PRKCH: variants seen among roughly 807,000 people sequenced by gnomAD.
PRKCH encodes protein kinase C eta type.
Under a neutral mutation model 82.5 loss-of-function variants are expected in PRKCH, and 28 were observed. That is an observed-to-expected ratio of 0.34 (90% CI 0.25 to 0.47). PRKCH has a LOEUF of 0.47. Among genes scored for constraint, PRKCH ranks in the 20% least tolerant of loss-of-function variants. The probability of loss-of-function intolerance (pLI) is 1.00; values close to 1 mark genes in which losing one functional copy is unlikely to be tolerated. For synonymous variants in PRKCH, 322 were observed against 327.4 expected (o/e 0.98, Z 0.18); for missense variants, 705 against 881.8 (o/e 0.80, Z 2.54).
chr14:61,400,728 T>C (rs1881561696), intron 2 of PRKCH, among the ~76,000 whole-genome samples: 1 of 152,234 alleles, frequency 6.6e-6, no homozygotes, highest in Non-Finnish European at 1.5e-5. Flanking sequence ...AACTCTTACC[T>C]AGTAACTGAG....
At position 61,316,169 on chromosome 14, in the gene PRKCH, G is replaced by C. The variant is rs61119511; in HGVS notation, c.-19+128501G>C. On this transcript the variant is annotated intron_variant, in intron 1 of 3. Transcript: ENST00000555185. ...CAATATGGCTGAACTGGTTCTTTAGGCATAGAACTCATTTTACTTTGAAAC... is the reference window on the plus strand; with the variant it reads ...CAATATGGCTGAACTGGTTCTTTAGCCATAGAACTCATTTTACTTTGAAAC... 2.1e-3 allele frequency among the ~76,000 whole-genome samples: 315 copies of C among 152,028 alleles called. 9 individuals are homozygous for C. The East Asian group carries it at 0.054, about 26-fold the overall frequency.
chr14:61,314,699 G>A lies in PRKCH; in HGVS notation c.-19+127031G>A, dbSNP rs73312655. ...CTTTTGGGGAAACCTGAGGAAGGGCGAGAAGCTCTCCCTGTCTCCTGGATC... is the reference window on the plus strand; with the variant it reads ...CTTTTGGGGAAACCTGAGGAAGGGCAAGAAGCTCTCCCTGTCTCCTGGATC... On this transcript the variant is annotated intron_variant, in intron 1 of 3. Coordinates refer to the PRKCH transcript ENST00000555185. Among the ~76,000 whole-genome samples, 918 of 152,332 alleles carry A rather than the reference G, an allele frequency of 6.0e-3. 6 individuals carry two copies. Among genetic ancestry groups the A allele is most frequent in the African/African-American group, 0.021 (887 of 41,578 alleles).
chr14:61,416,900 C>T (rs894636450), intron 2 of PRKCH, among the ~76,000 whole-genome samples: 9 of 152,182 alleles, frequency 5.9e-5, no homozygotes, highest in African/African-American at 2.2e-4. Context: ...GTCCTGTCTC[C>T]AGGAAGCCCT....
intron 9 of PRKCH, among the ~76,000 whole-genome samples, chr14:61,482,087 C>T (rs981095955): frequency 6.6e-6 from 1 of 150,694 alleles, no homozygotes; most frequent in Non-Finnish European, 1.5e-5. Context: ...CTCTGCATCC[C>T]GGGTTCAAGT....
Position 61,453,402 on chromosome 14 carries a change from A to G in PRKCH, c.960+49A>G. 4 of 1,591,750 alleles carry G rather than the reference A, an allele frequency of 2.5e-6. No individual in the cohort carries two copies. In the South Asian group the frequency reaches 3.4e-5, roughly 14 times the overall value. Reference sequence around the variant, plus strand: ...GTCTCGTAATTTAGAAGTTGCTCAGATGTGATGAGCCCAAATGAGAGCATG... The same window carrying G: ...GTCTCGTAATTTAGAAGTTGCTCAGGTGTGATGAGCCCAAATGAGAGCATG... On this transcript the variant is annotated intron_variant, in intron 7 of 13. Transcript: ENST00000332981.
intron 10 of PRKCH, among the ~76,000 whole-genome samples, chr14:61,516,418 GTTTACT>G (rs576087720): frequency 6.6e-6 from 1 of 152,198 alleles, no homozygotes; most frequent in African/African-American, 2.4e-5. Flanking sequence ...TTTGAATTCT[GTTTACT>G]TTTAAGATCT....
chr14:61,324,302 A>G (rs1232928646), intron 1 of PRKCH, among the ~76,000 whole-genome samples: 2 of 152,214 alleles, frequency 1.3e-5, no homozygotes, highest in Non-Finnish European at 2.9e-5. Flanking sequence ...GATATTTATA[A>G]TGGTCTGAAA....
chr14:61,197,977 T>C (rs1197117735), intron 1 of PRKCH, among the ~76,000 whole-genome samples: 1 of 152,080 alleles, frequency 6.6e-6, no homozygotes, highest in Non-Finnish European at 1.5e-5. Flanking sequence ...ATCAATAGAG[T>C]AGGTCATCAA....
At chr14:61,335,586 A>AC (rs987569430) in intron 1 of PRKCH, among the ~76,000 whole-genome samples, 61 of 151,952 alleles carry the variant, frequency 4.0e-4, no homozygotes, top group African/African-American at 1.3e-3. Context: ...AAAAACCACA[A>AC]CCCCCCCATC....
intron 1 of PRKCH, among the ~76,000 whole-genome samples, chr14:61,390,215 G>A (rs1284009700): frequency 6.6e-6 from 1 of 152,220 alleles, no homozygotes; most frequent in African/African-American, 2.4e-5. Context: ...CAGAGGTGCT[G>A]TTCATCCTGG....
chr14:61,203,633 C>T (rs1303335274), intron 1 of PRKCH, among the ~76,000 whole-genome samples: 2 of 152,020 alleles, frequency 1.3e-5, no homozygotes, highest in East Asian at 3.9e-4. Flanking sequence ...TTGGGAGATA[C>T]TTTTCTAGGA....
At chr14:61,390,185 A>G (rs1437040886) in intron 1 of PRKCH, among the ~76,000 whole-genome samples, 3 of 152,176 alleles carry the variant, frequency 2.0e-5, no homozygotes, top group Non-Finnish European at 2.9e-5. Context: ...CACCTAAGCT[A>G]GTGGTGATCA....
At chr14:61,413,415 C>T (rs1392157288) in intron 2 of PRKCH, among the ~76,000 whole-genome samples, 2 of 10,456 alleles carry the variant, frequency 1.9e-4, no homozygotes, top group East Asian at 3.5e-3. Flanking sequence ...CCCCCCCCCG[C>T]CCCGCCCATG....
chr14:61,370,029 C>G (rs183537576), intron 1 of PRKCH, among the ~76,000 whole-genome samples: 4 of 151,852 alleles, frequency 2.6e-5, no homozygotes, highest in Admixed American at 2.6e-4. Flanking sequence ...GCGTGATCTC[C>G]GCCTCCCAGG....
Position 61,280,917 on chromosome 14 carries a change from C to T in PRKCH, c.-19+93249C>T. 6.5e-7 allele frequency: 1 copy of T among 1,544,628 alleles called. No homozygotes were observed. Among genetic ancestry groups the T allele is most frequent in the South Asian group, 1.2e-5 (1 of 84,090 alleles). ...GGCCCTGGCCAGCCGCGGCGCACAC[C>T]GAGCAGTTACCGGTGCCCGGGTCGC... is the stretch of plus-strand genomic sequence containing the variant. On this transcript the variant is annotated intron_variant, in intron 1 of 3. Transcript: ENST00000555185. The surrounding 1 kb of genome is among the most constrained non-coding windows in gnomAD (Gnocchi z 5.0).
intron 1 of PRKCH, among the ~76,000 whole-genome samples, chr14:61,233,309 T>C (rs1404834955): frequency 6.6e-6 from 1 of 151,844 alleles, no homozygotes; most frequent in African/African-American, 2.4e-5. Flanking sequence ...GAAGACTGCT[T>C]GAGCCCAAGA....
At chr14:61,355,931 G>C (rs2046141946) in intron 1 of PRKCH, among the ~76,000 whole-genome samples, 1 of 152,194 alleles carries the variant, frequency 6.6e-6, no homozygotes, top group Non-Finnish European at 1.5e-5. Flanking sequence ...TTCCATGATA[G>C]ATCTTCTTAT....
intron 1 of PRKCH, among the ~76,000 whole-genome samples, chr14:61,302,796 C>T (rs114437728): frequency 0.033 from 5,093 of 152,146 alleles, 182 homozygotes; most frequent in African/African-American, 0.083. Context: ...TATTTCAGCA[C>T]GAGATCTATC....
At chr14:61,373,683 CTCTGCCTCGCAGGTTCAAGCAATTCT>C (rs1483224953) in intron 1 of PRKCH, among the ~76,000 whole-genome samples, 1 of 152,114 alleles carries the variant, frequency 6.6e-6, no homozygotes, top group African/African-American at 2.4e-5. Context: ...TCACTGAAAC[CTCTGCCTCGCAGGTTCAAGCAATTCT>C]TCTGCCTCAG....
Sources: gnomAD v4.1 joint callset for allele counts (sites outside exome capture counted in the v4.1 genomes callset) on GRCh38, gnomAD v4.1.1 for gene constraint, Gnocchi (gnomAD v3.1) non-coding constraint, MANE v1.5 for transcripts, NCBI Gene and HGNC (gene_info 2026-07-23, HGNC 2026-07-21) for gene names.